The following ADCK1 variants were observed in gnomAD, a reference collection of about 807,000 sequenced individuals.
ADCK1 encodes the protein aarF domain containing kinase 1.
ADCK1 carries 41 observed loss-of-function variants against 52.3 expected under a neutral mutation model. The ratio of observed to expected loss-of-function variants is 0.78; its 90% CI spans 0.61 to 1.02. The LOEUF is 1.02. ADCK1 is among the 50% of genes least tolerant of loss of function. The probability of loss-of-function intolerance (pLI) is 0.00; values close to 1 mark genes in which losing one functional copy is unlikely to be tolerated. For missense variants in ADCK1, 658 were observed against 679.5 expected (o/e 0.97, Z 0.35); for synonymous variants, 250 against 274.6 (o/e 0.91, Z 0.89).
rs1433160612 is a variant in ADCK1 at position 77,859,152 on chromosome 14, A to G, written c.296A>G (p.His99Arg). 6.2e-7 allele frequency: 1 copy of G among 1,613,880 alleles called. No individual in the cohort carries two copies. Among genetic ancestry groups the G allele is most frequent in the African/African-American group, 1.3e-5 (1 of 75,028 alleles). Residue 99 changes from histidine to arginine, a missense_variant, in exon 4 of 11, where the codon CAC becomes CGC. By Grantham distance (29) the His-to-Arg change is conservative. Transcript: ENST00000238561. ...GGCACCTTCATCAAGGTGGGCCAGC[A>G]CCTGGGGGCTCTGGACTACCTGTTG... is the stretch of plus-strand genomic sequence containing the variant. ...NRGTFIKVGQ[H>R]LGALDYLLPE...
Position 77,852,673 on chromosome 14 carries a change from A to ATATTTATATATATATATATAT in ADCK1, c.220-6400_220-6399insTTATATATATATATATATTAT, listed in dbSNP as rs1566667046. 5.1e-3 allele frequency among the ~76,000 whole-genome samples: 92 copies of ATATTTATATATATATATATAT among 18,126 alleles called. 1 individual carries two copies. The highest frequency in any genetic ancestry group is 0.04 in the South Asian group (26 of 648). 11.9% of individuals were successfully genotyped at this position (18,126 alleles called of 152,430 possible). A position where few individuals can be genotyped will look rare whatever the true frequency, so the allele number is the denominator to read the frequency against. On this transcript the variant is annotated intron_variant, in intron 3 of 10. Transcript: ENST00000238561. ...TTTAAATAAATAAATATATATATAT[A>ATATTTATATATATATATATAT]TATATATATATATATATATATATAT...
intron 4 of ADCK1, among the ~76,000 whole-genome samples, chr14:77,882,379 G>T (rs1450489672): frequency 6.6e-6 from 1 of 152,208 alleles, no homozygotes; most frequent in African/African-American, 2.4e-5. Context: ...TTGGCATCTA[G>T]GCCTGGGCTT....
intron 3 of ADCK1, among the ~76,000 whole-genome samples, chr14:77,852,559 C>A (rs2140118286): frequency 6.8e-6 from 1 of 147,858 alleles, no homozygotes; most frequent in South Asian, 2.1e-4. Flanking sequence ...CTTCATGTTT[C>A]TTGTGCTTGG....
chr14:77,800,484 G>A (rs745917580), intron 1 of ADCK1, among the ~76,000 whole-genome samples: 4 of 152,270 alleles, frequency 2.6e-5, no homozygotes, highest in Non-Finnish European at 5.9e-5. Context: ...GCACCCGAGT[G>A]GGCAGAGCTG....
intron 5 of ADCK1, among the ~76,000 whole-genome samples, chr14:77,888,320 G>A (rs1384834238): frequency 6.6e-6 from 1 of 152,130 alleles, no homozygotes; most frequent in Non-Finnish European, 1.5e-5. Flanking sequence ...TGGGAAGGTA[G>A]GTAGGACAGA....
chr14:77,895,833 T>C (rs8022154), intron 5 of ADCK1, among the ~76,000 whole-genome samples: 12,452 of 152,172 alleles, frequency 0.082, 574 homozygotes, highest in Non-Finnish European at 0.09. Flanking sequence ...AAATTATGTA[T>C]GTTCATTTTC....
intron 9 of ADCK1, 146 bp from the exon 10 acceptor site, chr14:77,931,372 T>C (rs544921176): frequency 1.3e-4 from 102 of 760,354 alleles, no homozygotes; most frequent in Non-Finnish European, 2.1e-4. Context: ...TGGGGAGTGC[T>C]CCTAGCAGTG....
chr14:77,904,920 T>C (rs2083624787), intron 6 of ADCK1, among the ~76,000 whole-genome samples: 2 of 152,174 alleles, frequency 1.3e-5, no homozygotes, highest in Non-Finnish European at 2.9e-5. Context: ...GGAAGAAGCA[T>C]AGGACAGGAA....
rs763220154 is a variant in ADCK1, at chr14:77,887,114, C to T, written c.447C>T (p.Phe149=). 236 of 1,598,424 alleles carry T rather than the reference C, an allele frequency of 1.5e-4. 1 individual carries two copies. Among genetic ancestry groups the T allele is most frequent in the South Asian group, 1.2e-3 (105 of 88,796 alleles). The change falls in exon 5 of 11, where the codon TTC becomes TTT. Residue 149 remains phenylalanine, a synonymous_variant. Coordinates refer to ENST00000238561, the MANE Select transcript of ADCK1 (RefSeq NM_020421.4). ...AGATCCATGATTTGTTCCAGAGCTT[C>T]GATGACACCCCTCTGGGGACGGCCT... The part of the protein sequence containing the change: ...GKEIHDLFQS[F]DDTPLGTASL...
At chr14:77,889,233 A>G (rs1220204784) in intron 5 of ADCK1, among the ~76,000 whole-genome samples, 1 of 152,232 alleles carries the variant, frequency 6.6e-6, no homozygotes, top group Non-Finnish European at 1.5e-5. Flanking sequence ...CAGCGTGAGA[A>G]CAGACTAATA....
At chr14:77,921,326 CAAAAA>C (rs756056466) in intron 7 of ADCK1, among the ~76,000 whole-genome samples, 59 of 41,208 alleles carry the variant, frequency 1.4e-3, no homozygotes, top group Middle Eastern at 0.021. Flanking sequence ...GACTCTGTCT[CAAAAA>C]AAAAAAAAAA....
chr14:77,804,966 G>A (rs1344164299), intron 1 of ADCK1, among the ~76,000 whole-genome samples: 1 of 152,076 alleles, frequency 6.6e-6, no homozygotes, highest in African/African-American at 2.4e-5. Context: ...CAGCACTTTG[G>A]GAGGCTGGGG....
intron 9 of ADCK1, 99 bp from the exon 10 acceptor site, chr14:77,931,419 T>G (rs2084330495): frequency 7.8e-7 from 1 of 1,280,482 alleles, no homozygotes; most frequent in African/African-American, 1.5e-5. Context: ...TCCTGGGGCT[T>G]CTTTGCAGCC....
At chr14:77,930,541 T>G (rs1486678907) in intron 9 of ADCK1, among the ~76,000 whole-genome samples, 1 of 152,070 alleles carries the variant, frequency 6.6e-6, no homozygotes, top group Non-Finnish European at 1.5e-5. Context: ...TCGAGTCCTG[T>G]GGTGAGGTGA....
intron 3 of ADCK1, among the ~76,000 whole-genome samples, chr14:77,824,011 G>A: frequency 6.6e-6 from 1 of 151,890 alleles, no homozygotes; most frequent in Admixed American, 6.6e-5. Context: ...TGCTTCTCCT[G>A]CCTCAGCCTC....
At chr14:77,918,962 C>A (rs1441599760) in intron 7 of ADCK1, among the ~76,000 whole-genome samples, 1 of 152,162 alleles carries the variant, frequency 6.6e-6, no homozygotes, top group Non-Finnish European at 1.5e-5. Context: ...AATCCAGAAA[C>A]CTTAGTCTCT....
At chr14:77,875,326 C>T (rs117080310) in intron 4 of ADCK1, among the ~76,000 whole-genome samples, 2,297 of 152,096 alleles carry the variant, frequency 0.015, 35 homozygotes, top group Non-Finnish European at 0.022. Context: ...TACTGGCAGT[C>T]GGGGAAGGAA....
At chr14:77,871,151 G>A (rs951974350) in intron 4 of ADCK1, among the ~76,000 whole-genome samples, 1 of 152,186 alleles carries the variant, frequency 6.6e-6, no homozygotes, top group Non-Finnish European at 1.5e-5. Context: ...GATGTTGTGG[G>A]ATGCTCAGAT....
intron 7 of ADCK1, among the ~76,000 whole-genome samples, chr14:77,916,176 T>C (rs79108273): frequency 0.025 from 3,763 of 152,232 alleles, 141 homozygotes; most frequent in African/African-American, 0.085. Context: ...AGATGCCAGA[T>C]GTCTCTGCTT....
Sources: allele counts gnomAD v4.1 joint callset (sites outside exome capture counted in the v4.1 genomes callset), GRCh38; gene constraint gnomAD v4.1.1; transcripts MANE v1.5; gene names NCBI Gene and HGNC (gene_info 2026-07-23, HGNC 2026-07-21).